MALRD1: variants seen among roughly 807,000 people sequenced by gnomAD.
The protein encoded by MALRD1 is MAM and LDL receptor class A domain containing 1, also known as MAM and LDL-receptor class A domain-containing protein 1.
A neutral mutation model predicts 242.1 loss-of-function variants in MALRD1; 247 were observed. The ratio of observed to expected loss-of-function variants is 1.02; its 90% CI spans 0.92 to 1.13. The LOEUF is 1.13. Among genes scored for constraint, MALRD1 ranks in the 50% most tolerant of loss-of-function variants. MALRD1 has a pLI of 0.00. For synonymous variants in MALRD1, 995 were observed against 866.6 expected, an observed-to-expected ratio of 1.15 and a Z score of -2.60; for missense variants, 2,989 against 2,533.1, an observed-to-expected ratio of 1.18 and a Z score of -3.86.
chr10:19,460,223 T>C (rs1319865395), intron 29 of MALRD1, among the ~76,000 whole-genome samples: 1 of 152,160 alleles, frequency 6.6e-6, no homozygotes, highest in Non-Finnish European at 1.5e-5. Context: ...TCCTGAAATA[T>C]CGGTACAGAT....
In MALRD1 at chr10:19,730,720, G is replaced by T; in HGVS notation, c.6329G>T (p.Ser2110Ile). The change falls in exon 39 of 40, where the codon AGT (serine) becomes ATT (isoleucine). Residue 2110 changes from serine (S) to isoleucine (I), a missense_variant. Coordinates refer to ENST00000454679, the MANE Select transcript of MALRD1 (RefSeq NM_001142308.3). ...TGTGCTTTAAGGAAAACCGAGGGAA[G>T]TGGTAACTGTGCCTTTGTCAATCCA... is the stretch of plus-strand genomic sequence containing the variant. The part of the protein sequence containing the change: ...RKVPIRKTEG[S>I]GNCAFVNPVY... The T allele has an allele frequency of 6.5e-7, 1 of 1,536,674 alleles. No individual in the cohort carries two copies.
intron 11 of MALRD1, among the ~76,000 whole-genome samples, chr10:19,152,510 C>T (rs555528452): frequency 2.0e-5 from 3 of 149,762 alleles, no homozygotes; most frequent in African/African-American, 5.1e-5. Flanking sequence ...CAGTCTTTCA[C>T]AAAGTTTATA....
At chr10:19,367,815 G>C (rs114026068) in intron 26 of MALRD1, among the ~76,000 whole-genome samples, 16 of 152,170 alleles carry the variant, frequency 1.1e-4, no homozygotes, top group African/African-American at 3.9e-4. Context: ...AGGGTGATGT[G>C]ATACCTCATT....
Position 19,341,486 on chromosome 10 carries a change from A to ATATATG in MALRD1, c.3902-6280_3902-6279insGTATAT, listed in dbSNP as rs1564577101. The stretch of plus-strand genomic sequence containing the variant: ...TATGTATATATGTATATATATGTGT[A>ATATATG]TATATATGTATATATGTATATATAT... On this transcript the variant is annotated intron_variant, in intron 24 of 39. Transcript: ENST00000454679. Among the ~76,000 whole-genome samples the ATATATG allele has an allele frequency of 3.7e-4, 6 of 16,092 alleles. No individual in the cohort carries two copies. In the East Asian group the frequency reaches 4.4e-3, roughly 12 times the overall value. The allele number at this position is 16,092 out of a possible 152,430, so 10.6% of individuals were successfully genotyped here.
At chr10:19,299,632 A>G (rs1417678829) in intron 21 of MALRD1, among the ~76,000 whole-genome samples, 2 of 152,084 alleles carry the variant, frequency 1.3e-5, no homozygotes, top group African/African-American at 2.4e-5. Flanking sequence ...CTACATGATT[A>G]TCTCAATAGA....
chr10:19,306,619 A>G (rs1842220934), intron 21 of MALRD1, among the ~76,000 whole-genome samples: 1 of 150,252 alleles, frequency 6.7e-6, no homozygotes, highest in African/African-American at 2.4e-5. Flanking sequence ...ATATATATGT[A>G]CTTAAATGAA....
At chr10:19,307,437 A>T (rs907379422) in intron 21 of MALRD1, among the ~76,000 whole-genome samples, 2 of 151,556 alleles carry the variant, frequency 1.3e-5, no homozygotes, top group African/African-American at 2.4e-5. Flanking sequence ...TACAGCTAGT[A>T]ATTCTAACTT....
chr10:19,615,991 C>T lies in MALRD1; in HGVS notation c.6137+68C>T. The T allele has an allele frequency of 4.5e-6, 5 of 1,120,340 alleles. No individual in the cohort carries two copies. The South Asian group carries it at 5.6e-5, about 13-fold the overall frequency. 69.4% of individuals were successfully genotyped at this position (1,120,340 alleles called of 1,614,324 possible). ...GTTGGCTTACTTATTTTTCTATAGG[C>T]TGATATAATAGAGCATCAATCAGTT... On this transcript the variant is annotated intron_variant, in intron 36 of 39. Coordinates refer to ENST00000454679, the MANE Select transcript of MALRD1 (RefSeq NM_001142308.3).
At chr10:19,218,663 A>G (rs901204540) in intron 18 of MALRD1, among the ~76,000 whole-genome samples, 2 of 152,162 alleles carry the variant, frequency 1.3e-5, no homozygotes, top group Non-Finnish European at 2.9e-5. Flanking sequence ...AGGTAGAGAA[A>G]TTAGAGTCCA....
chr10:19,079,967 G>T (rs572097522), intron 2 of MALRD1, among the ~76,000 whole-genome samples: 16 of 151,856 alleles, frequency 1.1e-4, no homozygotes, highest in Non-Finnish European at 2.1e-4. Flanking sequence ...ACTCCTATAT[G>T]CCAACATCTG....
chr10:19,626,928 G>T (rs1039121970), intron 36 of MALRD1, among the ~76,000 whole-genome samples: 1 of 152,054 alleles, frequency 6.6e-6, no homozygotes, highest in African/African-American at 2.4e-5. Flanking sequence ...TTATGAAATG[G>T]TATTTACAAT....
chr10:19,204,760 CCA>C, intron 16 of MALRD1, 136 bp from the exon 17 acceptor site: 1 of 930,030 alleles, frequency 1.1e-6, no homozygotes, highest in Non-Finnish European at 1.6e-6. Context: ...AAATGGACAG[CCA>C]CAGTTATTGC....
intron 36 of MALRD1, among the ~76,000 whole-genome samples, chr10:19,664,181 A>G (rs890171083): frequency 4.0e-5 from 6 of 151,728 alleles, no homozygotes; most frequent in Non-Finnish European, 7.4e-5. Flanking sequence ...ATGCCTTTAC[A>G]CCATCTAAGA....
chr10:19,671,831 T>C (rs760518624), intron 36 of MALRD1, among the ~76,000 whole-genome samples: 3 of 152,120 alleles, frequency 2.0e-5, no homozygotes, highest in Non-Finnish European at 4.4e-5. Flanking sequence ...GCAAAATCAC[T>C]TGGTACCAGG....
At chr10:19,696,769 A>T (rs954576019) in intron 38 of MALRD1, among the ~76,000 whole-genome samples, 28 of 151,206 alleles carry the variant, frequency 1.9e-4, no homozygotes, top group Admixed American at 1.8e-3. Flanking sequence ...AAAAAAAATT[A>T]GCCTGGTGTG....
intron 12 of MALRD1, among the ~76,000 whole-genome samples, chr10:19,157,456 C>T (rs1385749624): frequency 2.0e-5 from 3 of 151,880 alleles, no homozygotes; most frequent in African/African-American, 7.3e-5. Context: ...ACCATGTTAT[C>T]CAGGATGGTC....
chr10:19,705,644 C>T (rs1833828014), intron 38 of MALRD1, among the ~76,000 whole-genome samples: 1 of 150,072 alleles, frequency 6.7e-6, no homozygotes, highest in African/African-American at 2.4e-5. Flanking sequence ...CAGCATGATT[C>T]CTCCTCCTCC....
chr10:19,106,767 T>C (rs1042159818), intron 5 of MALRD1, among the ~76,000 whole-genome samples: 2 of 151,940 alleles, frequency 1.3e-5, no homozygotes, highest in Non-Finnish European at 2.9e-5. Context: ...AAGCATTTAT[T>C]GGTATAAACT....
chr10:19,429,573 C>CAAAAT (rs1834040053), intron 28 of MALRD1, among the ~76,000 whole-genome samples: 1 of 151,946 alleles, frequency 6.6e-6, no homozygotes, highest in Non-Finnish European at 1.5e-5. Context: ...CAAAATAAAA[C>CAAAAT]AAAACAAAAC....
Sources: gnomAD v4.1 joint callset for allele counts (sites outside exome capture counted in the v4.1 genomes callset) on GRCh38, gnomAD v4.1.1 for gene constraint, MANE v1.5 for transcripts, NCBI Gene and HGNC (gene_info 2026-07-23, HGNC 2026-07-21) for gene names.